The following GABRA3 variants were observed in gnomAD, a reference collection of about 807,000 sequenced individuals.
The protein encoded by GABRA3 is gamma-aminobutyric acid receptor subunit alpha-3.
Under a neutral mutation model 30.1 loss-of-function variants are expected in GABRA3, and 10 were observed. The observed-to-expected ratio is 0.33, with a 90% CI of 0.20 to 0.56. The LOEUF is 0.56. Ranked by LOEUF, GABRA3 falls within the 20% of genes least tolerant of loss-of-function variation. GABRA3 has a pLI of 0.89. For synonymous variants in GABRA3, 151 were observed against 146.8 expected, an observed-to-expected ratio of 1.03 and a Z score of -0.21; for missense variants, 233 against 392.0, an observed-to-expected ratio of 0.59 and a Z score of 3.42.
intron 6 of GABRA3, among the ~76,000 whole-genome samples, chrX:152,212,628 C>T (rs763709017): frequency 9.0e-6 from 1 of 111,500 alleles, no homozygotes; most frequent in Non-Finnish European, 1.9e-5. Context: ...CTTTTGGTGT[C>T]AGTGACCCAT....
chrX:152,351,897 C>T (rs1404732548), intron 2 of GABRA3, among the ~76,000 whole-genome samples: 1 of 110,948 alleles, frequency 9.0e-6, no homozygotes, highest in Non-Finnish European at 1.9e-5. Flanking sequence ...GAAGGAAGGC[C>T]TAAGGAGAGG....
intron 1 of GABRA3, among the ~76,000 whole-genome samples, chrX:152,438,966 T>C (rs901968552): frequency 9.0e-6 from 1 of 110,624 alleles, no homozygotes. Flanking sequence ...ATGCAAGCTA[T>C]AGACGTGAGT....
intron 7 of GABRA3, among the ~76,000 whole-genome samples, chrX:152,200,917 C>T (rs940271916): frequency 2.7e-5 from 3 of 111,864 alleles, no homozygotes; most frequent in African/African-American, 9.7e-5. Flanking sequence ...GTCTTGTTGT[C>T]TGTCTTCTGA....
At chrX:152,269,098 G>T (rs1432863965) in intron 4 of GABRA3, among the ~76,000 whole-genome samples, 2 of 111,452 alleles carry the variant, frequency 1.8e-5, no homozygotes, top group African/African-American at 6.5e-5. Context: ...CTTATACCTA[G>T]AAATACCTAA....
At chrX:152,367,965 G>C (rs375744424) in intron 1 of GABRA3, among the ~76,000 whole-genome samples, 87 of 111,858 alleles carry the variant, frequency 7.8e-4, no homozygotes, top group African/African-American at 2.5e-3. Flanking sequence ...CATTACCTCT[G>C]TTGCTACCAC....
At position 152,317,492 on chromosome X, in the gene GABRA3, C is replaced by A. The variant is rs898151437; in HGVS notation, c.262+28089G>T. Among the ~76,000 whole-genome samples, 3 of 111,654 alleles carry A rather than the reference C, an allele frequency of 2.7e-5. No homozygotes were observed. In the East Asian group the frequency reaches 8.4e-4, roughly 31 times the overall value. ...ACTTAACAGATATTTACAAAACATT[C>A]CACTCAACAAACACAGAATAAACAT... On this transcript the variant is annotated intron_variant, in intron 3 of 9. Transcript: ENST00000370314.
chrX:152,309,930 T>C (rs1939775312), intron 3 of GABRA3, among the ~76,000 whole-genome samples: 1 of 111,984 alleles, frequency 8.9e-6, no homozygotes, highest in Non-Finnish European at 1.9e-5. Context: ...AGTAAAGGGA[T>C]AGAGAAAAAT....
chrX:152,436,900 A>G (rs752542525), intron 1 of GABRA3, among the ~76,000 whole-genome samples: 1 of 111,737 alleles, frequency 8.9e-6, no homozygotes, highest in African/African-American at 3.2e-5. Context: ...GACAAGCCAC[A>G]GAAGGGCAGA....
intron 4 of GABRA3, among the ~76,000 whole-genome samples, chrX:152,275,896 CTAA>C: frequency 9.1e-6 from 1 of 109,419 alleles, no homozygotes; most frequent in East Asian, 2.8e-4. Context: ...CATACAAATA[CTAA>C]TAATAAAATA....
intron 9 of GABRA3, among the ~76,000 whole-genome samples, chrX:152,188,857 A>G (rs977854926): frequency 5.4e-5 from 6 of 112,087 alleles, no homozygotes; most frequent in African/African-American, 1.9e-4. Flanking sequence ...TCCTCTTAGC[A>G]TATTTTGATA....
At chrX:152,324,159 C>T (rs1249791511) in intron 3 of GABRA3, among the ~76,000 whole-genome samples, 1 of 111,782 alleles carries the variant, frequency 8.9e-6, no homozygotes, top group Non-Finnish European at 1.9e-5. Flanking sequence ...GAAAATTATC[C>T]CAATGCCAAA....
chrX:152,223,879 T>C (rs1406194321), intron 6 of GABRA3, among the ~76,000 whole-genome samples: 1 of 110,820 alleles, frequency 9.0e-6, no homozygotes, highest in East Asian at 2.9e-4. Context: ...TAATCCATTA[T>C]TTTATCTTTC....
chrX:152,174,831 A>G (rs1336780515), intron 9 of GABRA3, among the ~76,000 whole-genome samples: 1 of 111,796 alleles, frequency 8.9e-6, no homozygotes, highest in Non-Finnish European at 1.9e-5. Context: ...TTTTGTTGCC[A>G]TTGCTTTTGG....
At chrX:152,200,938 G>C (rs1471435512) in intron 7 of GABRA3, among the ~76,000 whole-genome samples, 5 of 111,746 alleles carry the variant, frequency 4.5e-5, no homozygotes, top group Non-Finnish European at 7.5e-5. Context: ...AGAGGTGAAA[G>C]GAATTCTCTT....
chrX:152,414,599 T>C (rs745491287), intron 1 of GABRA3, among the ~76,000 whole-genome samples: 2 of 111,035 alleles, frequency 1.8e-5, no homozygotes, highest in Non-Finnish European at 3.8e-5. Context: ...TGCAAAATGA[T>C]ACAACCAGTT....
intron 1 of GABRA3, among the ~76,000 whole-genome samples, chrX:152,380,620 G>A (rs1184807698): frequency 8.9e-6 from 1 of 111,803 alleles, no homozygotes; most frequent in Non-Finnish European, 1.9e-5. Context: ...ATACCCACAA[G>A]TGAGGTTACT....
At chrX:152,199,218 T>C (rs1937438020) in intron 7 of GABRA3, among the ~76,000 whole-genome samples, 1 of 106,677 alleles carries the variant, frequency 9.4e-6, no homozygotes, top group Admixed American at 1.0e-4. Context: ...TACAAAATAT[T>C]AGCCGGGTGT....
intron 4 of GABRA3, among the ~76,000 whole-genome samples, chrX:152,277,086 T>C (rs1447849512): frequency 9.0e-6 from 1 of 111,590 alleles, no homozygotes; most frequent in Non-Finnish European, 1.9e-5. Flanking sequence ...CACAGAGAAA[T>C]TGACAGCCTA....
chrX:152,351,090 A>T (rs549091267), intron 2 of GABRA3, among the ~76,000 whole-genome samples: 10 of 111,887 alleles, frequency 8.9e-5, no homozygotes, highest in African/African-American at 3.2e-4. Context: ...GCATAGAGAG[A>T]GTGGATTTAG....
Sources: gnomAD v4.1 joint callset for allele counts (sites outside exome capture counted in the v4.1 genomes callset) on GRCh38, gnomAD v4.1.1 for gene constraint, MANE v1.5 for transcripts, NCBI Gene and HGNC (gene_info 2026-07-23, HGNC 2026-07-21) for gene names.